Variants in COL7A1 observed in about 807,000 individuals in gnomAD.
COL7A1 encodes the protein collagen alpha-1(VII) chain.
COL7A1 carries 296 observed loss-of-function variants against 456.2 expected under a neutral mutation model. The observed-to-expected ratio is 0.65, with a 90% confidence interval of 0.59 to 0.71. The LOEUF is 0.71. Ranked by LOEUF, COL7A1 falls within the 30% of genes least tolerant of loss-of-function variation. COL7A1 has a pLI of 0.00. For synonymous variants in COL7A1, 1,464 were observed against 1,525.9 expected (o/e 0.96, Z 0.95); for missense variants, 3,441 against 4,017.2 (o/e 0.86, Z 3.88).
Position 48,592,659 on chromosome 3 carries a change from C to T in COL7A1, c.887G>A (p.Gly296Asp), listed in dbSNP as rs1269543214. Residue 296 changes from glycine to aspartate, a missense_variant, in exon 8 of 119, where the codon GGT (glycine) becomes GAT (aspartate). Gly to Asp is a moderately conservative substitution (Grantham distance 94). Coordinates refer to ENST00000681320, the MANE Select transcript of COL7A1 (RefSeq NM_000094.4). This position sits in a 1 kb window ranked among gnomAD's most constrained non-coding sequence, Gnocchi z 7.6. The stretch of plus-strand genomic sequence containing the variant: ...TTGGTACTCGGTCAGTGGCCGGAGA[C>T]CCCGCAGCCGCACACTGGTCTCACC... Reference protein sequence around the residue: ...PAGETSVRLRGLRPLTEYQVT... With the variant: ...PAGETSVRLRDLRPLTEYQVT... 1 of 1,613,738 alleles carries T rather than the reference C, an allele frequency of 6.2e-7. No homozygotes were observed. Among genetic ancestry groups the T allele is most frequent in the Non-Finnish European group, 8.5e-7 (1 of 1,180,004 alleles).
rs1279894733 is a variant in COL7A1 at position 48,592,057 on chromosome 3, C to T, written c.1241-43G>A. The T allele has an allele frequency of 2.5e-6, 4 of 1,614,042 alleles. No homozygotes were observed. The highest frequency in any genetic ancestry group is 2.2e-5 in the East Asian group (1 of 44,890). ...GATGTCAGTGGCCTCCGGGCCTTGC[C>T]CTGCCTGCCCGTCCCAGCCTGAAGA... On this transcript the variant is annotated intron_variant, in intron 10 of 118. Transcript: ENST00000681320. The surrounding 1 kb of genome is among the most constrained non-coding windows in gnomAD (Gnocchi z 7.6).
Position 48,592,271 on chromosome 3 carries a change from C to A in COL7A1, c.1094-23G>T. 1 of 1,613,914 alleles carries A rather than the reference C, an allele frequency of 6.2e-7. No homozygotes were observed. The highest frequency in any genetic ancestry group is 1.7e-5 in the Admixed American group (1 of 60,034). On this transcript the variant is annotated intron_variant, in intron 9 of 118. Transcript: ENST00000681320. This position sits in a 1 kb window ranked among gnomAD's most constrained non-coding sequence, Gnocchi z 7.6. Reference sequence around the variant, plus strand: ...CACCTGCATGGGGGACACCAAGGGGCCAGTGGGCCTTGCAGACTCAGGACT... The same window carrying A: ...CACCTGCATGGGGGACACCAAGGGGACAGTGGGCCTTGCAGACTCAGGACT...
At position 48,590,349 on chromosome 3, in the gene COL7A1, C is replaced by T. The variant is rs2107779171; in HGVS notation, c.1914G>A (p.Glu638=). The change falls in exon 16 of 119, where the codon GAG becomes GAA. Residue 638 remains glutamate (E), a synonymous_variant. Coordinates refer to ENST00000681320, the MANE Select transcript of COL7A1 (RefSeq NM_000094.4). This position sits in a 1 kb window ranked among gnomAD's most constrained non-coding sequence, Gnocchi z 4.6. Reference sequence around the variant, plus strand: ...AGTCTGGGGGCAGTGTCTGGCTGGACTCCGGACCTGAGGTCAGAGGGAAAT... The same window carrying T: ...AGTCTGGGGGCAGTGTCTGGCTGGATTCCGGACCTGAGGTCAGAGGGAAAT... ...RISWSTGSGP[E]SSQTLPPDST... 6.2e-7 allele frequency: 1 copy of T among 1,614,086 alleles called. No homozygotes were observed. Among genetic ancestry groups the T allele is most frequent in the Non-Finnish European group, 8.5e-7 (1 of 1,180,002 alleles).
At position 48,580,446 on chromosome 3, in the gene COL7A1, G is replaced by T; in HGVS notation, c.5053-102C>A. The T allele has an allele frequency of 1.3e-6, 2 of 1,486,016 alleles. No individual in the cohort carries two copies. The highest frequency in any genetic ancestry group is 1.9e-6 in the Non-Finnish European group (2 of 1,078,354). The allele number at this position is 1,486,016 out of a possible 1,614,324, so 92.1% of individuals were successfully genotyped here. A position where few individuals can be genotyped will look rare whatever the true frequency, so the allele number is the denominator to read the frequency against. On this transcript the variant is annotated intron_variant, in intron 55 of 118. Transcript: ENST00000681320. This position sits in a 1 kb window ranked among gnomAD's most constrained non-coding sequence, Gnocchi z 4.5. Reference sequence around the variant, plus strand: ...ATGGGAATGTTGGTAGCCTTCAGATGCGTGTGTGCAGGGGTCAAAGGAAGT... The same window carrying T: ...ATGGGAATGTTGGTAGCCTTCAGATTCGTGTGTGCAGGGGTCAAAGGAAGT...
At chr3:48,576,469 C>G (rs367585573) in intron 69 of COL7A1, 34 bp from the exon 70 acceptor site, 106 of 1,612,976 alleles carry the variant, frequency 6.6e-5, no homozygotes, top group Non-Finnish European at 8.7e-5. Flanking sequence ...GGGAAATGGC[C>G]CCCAGCCTGG....
At chr3:48,589,826 G>A (rs1200934266) in intron 16 of COL7A1, 108 bp from the exon 17 acceptor site, 1 of 1,525,018 alleles carries the variant, frequency 6.6e-7, no homozygotes, top group Non-Finnish European at 9.0e-7. Flanking sequence ...ATTTGATAGA[G>A]GAGATGGTGA....
rs563535651 is a variant in COL7A1 at position 48,573,751 on chromosome 3, G to A, written c.6538-26C>T. ...CTGTTGTGGCGAAAAAGAGTCTGATGAGGGGGAGTTAGCCGCACCCCACCA... is the reference window on the plus strand; with the variant it reads ...CTGTTGTGGCGAAAAAGAGTCTGATAAGGGGGAGTTAGCCGCACCCCACCA... On this transcript the variant is annotated intron_variant, in intron 81 of 118. Transcript: ENST00000681320. This position sits in a 1 kb window ranked among gnomAD's most constrained non-coding sequence, Gnocchi z 5.5. The A allele has an allele frequency of 2.5e-5, 41 of 1,613,846 alleles. No individual in the cohort carries two copies. In the African/African-American group the frequency reaches 4.8e-4, roughly 19 times the overall value.
In COL7A1 at chr3:48,564,244, G is replaced by T. The variant is rs545650545; in HGVS notation, c.*162C>A. ...AGCCACAATGGGGGTTTGTCCACAG[G>T]GGGGAAGGCTAGACCCACGGGACCA... is the stretch of plus-strand genomic sequence containing the variant. On this transcript the variant is annotated 3_prime_UTR_variant, in exon 119 of 119. Coordinates refer to ENST00000681320, the MANE Select transcript of COL7A1 (RefSeq NM_000094.4). This position sits in a 1 kb window ranked among gnomAD's most constrained non-coding sequence, Gnocchi z 6.0. The T allele has an allele frequency of 1.2e-5, 10 of 847,316 alleles. No individual in the cohort carries two copies. Among genetic ancestry groups the T allele is most frequent in the East Asian group, 1.1e-4 (4 of 37,544 alleles). 52.5% of individuals were successfully genotyped at this position (847,316 alleles called of 1,614,324 possible). A position where few individuals can be genotyped will look rare whatever the true frequency, so the allele number is the denominator to read the frequency against.
chr3:48,589,706 G>A lies in COL7A1; in HGVS notation c.2063C>T (p.Pro688Leu), dbSNP rs746149093. 1.2e-6 allele frequency: 2 copies of A among 1,614,100 alleles called. No homozygotes were observed. Among genetic ancestry groups the A allele is most frequent in the South Asian group, 1.1e-5 (1 of 91,078 alleles). ...CTGAGTCACATGGACCGTCCTCACTGGGCCCAGTGGGTCTAGTGGGGAGAG... is the reference window on the plus strand; with the variant it reads ...CTGAGTCACATGGACCGTCCTCACTAGGCCCAGTGGGTCTAGTGGGGAGAG... ...VIVARTDPLG[P>L]VRTVHVTQAS... The change falls in exon 17 of 119, where the codon CCA (proline) becomes CTA (leucine). Residue 688 changes from proline to leucine, a missense_variant. Coordinates refer to ENST00000681320, the MANE Select transcript of COL7A1 (RefSeq NM_000094.4).
intron 69 of COL7A1, 22 bp downstream of exon 69, chr3:48,576,500 C>T (rs1432394203): frequency 6.2e-7 from 1 of 1,612,448 alleles, no homozygotes; most frequent in Admixed American, 1.7e-5. Context: ...CACCACGCCC[C>T]CTACCCAACA....
rs1294205828 is a variant in COL7A1 at position 48,564,954 on chromosome 3, C to T, written c.8647G>A (p.Gly2883Ser). The T allele has an allele frequency of 6.2e-7, 1 of 1,614,032 alleles. No individual in the cohort carries two copies. Among genetic ancestry groups the T allele is most frequent in the Non-Finnish European group, 8.5e-7 (1 of 1,180,028 alleles). ...CGCAGGGTGTAGGCAGTGCAGGAGCCCTCATCCAGTGGCAGGGAACAGGGG... is the reference window on the plus strand; with the variant it reads ...CGCAGGGTGTAGGCAGTGCAGGAGCTCTCATCCAGTGGCAGGGAACAGGGG... Reference protein sequence around the residue: ...DDPCSLPLDEGSCTAYTLRWY... With the variant: ...DDPCSLPLDESSCTAYTLRWY... The change falls in exon 118 of 119, where the codon GGC (glycine) becomes AGC (serine). Residue 2883 changes from glycine (G) to serine (S), a missense_variant. Physicochemically the swap from Gly to Ser is moderately conservative, Grantham distance 56. This residue lies in a region of COL7A1 where 2,084 missense variants were observed against 2,501.3 expected (regional missense o/e 0.83). Transcript: ENST00000681320. This position sits in a 1 kb window ranked among gnomAD's most constrained non-coding sequence, Gnocchi z 6.0.
rs1373356334 is a variant in COL7A1 at position 48,575,003 on chromosome 3, C to A, written c.6279+61G>T. 1 of 1,585,162 alleles carries A rather than the reference C, an allele frequency of 6.3e-7. No individual in the cohort carries two copies. The highest frequency in any genetic ancestry group is 8.7e-7 in the Non-Finnish European group (1 of 1,154,668). ...CACACACTACCATATTTCTGGGGAC[C>A]AAGCTAAGGGTGGCTTCCTGGTCAC... On this transcript the variant is annotated intron_variant, in intron 76 of 118. Coordinates refer to ENST00000681320, the MANE Select transcript of COL7A1 (RefSeq NM_000094.4). This position sits in a 1 kb window ranked among gnomAD's most constrained non-coding sequence, Gnocchi z 6.3.
In COL7A1 at chr3:48,572,942, C is replaced by T. The variant is rs765034336; in HGVS notation, c.6751G>A (p.Gly2251Arg). The part of the protein sequence containing the change: ...QGSPGLPGQV[G>R]ETGKPGAPGR... ...GGGGCTCCCGGCTTCCCTGTCTCCC[C>T]CTGAGAGGGAAGAGCTCTGTCAGGG... Residue 2251 changes from glycine to arginine, a missense_variant and splice_region_variant, in exon 87 of 119, where the codon GGG becomes AGG. This residue lies in a region of COL7A1 where 2,084 missense variants were observed against 2,501.3 expected (regional missense o/e 0.83). Transcript: ENST00000681320. The surrounding 1 kb of genome is among the most constrained non-coding windows in gnomAD (Gnocchi z 4.6). The T allele has an allele frequency of 6.2e-7, 1 of 1,613,924 alleles. No homozygotes were observed. Among genetic ancestry groups the T allele is most frequent in the African/African-American group, 1.3e-5 (1 of 74,910 alleles).
chr3:48,567,771 C>A lies in COL7A1; in HGVS notation c.7930-8G>T. 6.2e-7 allele frequency: 1 copy of A among 1,614,194 alleles called. No homozygotes were observed. ...TGGGGGACCAGCTTCTCCCTGCAGG[C>A]ATCAGGCAGTGGGGTGAGCCTTAGG... On this transcript the variant is annotated splice_region_variant and splice_polypyrimidine_tract_variant and intron_variant, in intron 107 of 118. Transcript: ENST00000681320. The surrounding 1 kb of genome is among the most constrained non-coding windows in gnomAD (Gnocchi z 4.3).
rs1434452681 is a variant in COL7A1 at position 48,566,452 on chromosome 3, G to A, written c.8358+58C>T. 2 of 1,609,746 alleles carry A rather than the reference G, an allele frequency of 1.2e-6. No homozygotes were observed. Among genetic ancestry groups the A allele is most frequent in the Non-Finnish European group, 1.7e-6 (2 of 1,176,882 alleles). The stretch of plus-strand genomic sequence containing the variant: ...CAGGGTGCTGGGTGAGGGAGGTAGG[G>A]CCCCAGCCCACCCAGGCCCACCCAG... On this transcript the variant is annotated intron_variant, in intron 113 of 118. Coordinates refer to ENST00000681320, the MANE Select transcript of COL7A1 (RefSeq NM_000094.4). The surrounding 1 kb of genome is among the most constrained non-coding windows in gnomAD (Gnocchi z 5.9).
At position 48,566,453 on chromosome 3, in the gene COL7A1, CCCCAGCCCACCCAGGCCCA is replaced by C. The variant is rs2043608677; in HGVS notation, c.8358+38_8358+56del. The C allele has an allele frequency of 4.3e-6, 7 of 1,610,810 alleles. No individual in the cohort carries two copies. In the Admixed American group the frequency reaches 1.2e-4, roughly 27 times the overall value. On this transcript the variant is annotated intron_variant, in intron 113 of 118. Transcript: ENST00000681320. This position sits in a 1 kb window ranked among gnomAD's most constrained non-coding sequence, Gnocchi z 5.9. ...AGGGTGCTGGGTGAGGGAGGTAGGG[CCCCAGCCCACCCAGGCCCA>C]CCCAGGCCCTCCCAGGCCCATCCAG...
Position 48,592,374 on chromosome 3 carries a change from C to T in COL7A1, c.1070G>A (p.Arg357His), listed in dbSNP as rs368155479. 2.1e-5 allele frequency: 34 copies of T among 1,613,498 alleles called. No homozygotes were observed. Among genetic ancestry groups the T allele is most frequent in the African/African-American group, 1.6e-4 (12 of 74,930 alleles). The change falls in exon 9 of 119, where the codon CGT becomes CAT. Residue 357 changes from arginine to histidine, a missense_variant. Transcript: ENST00000681320. The surrounding 1 kb of genome is among the most constrained non-coding windows in gnomAD (Gnocchi z 7.6). ...ACCACTGAGGACCCGCCATGTCACA[C>T]GGTAGCCAGTGGCACCTGGCACACT... Reference protein sequence around the residue: ...WRSVPGATGYRVTWRVLSGGP... With the variant: ...WRSVPGATGYHVTWRVLSGGP...
At position 48,590,965 on chromosome 3, in the gene COL7A1, A is replaced by G. The variant is rs1179337145; in HGVS notation, c.1637-149T>C. 2.3e-6 allele frequency: 2 copies of G among 878,920 alleles called. No individual in the cohort carries two copies. Among genetic ancestry groups the G allele is most frequent in the African/African-American group, 3.3e-5 (2 of 60,404 alleles). 54.4% of individuals were successfully genotyped at this position (878,920 alleles called of 1,614,324 possible). A position where few individuals can be genotyped will look rare whatever the true frequency, so the allele number is the denominator to read the frequency against. On this transcript the variant is annotated intron_variant, in intron 13 of 118. Transcript: ENST00000681320. The surrounding 1 kb of genome is among the most constrained non-coding windows in gnomAD (Gnocchi z 4.6). ...GACCAGAGAGCTGGGATATGGCTGAAAAAAGTGAGTGCAAGACAAGGACAT... is the reference window on the plus strand; with the variant it reads ...GACCAGAGAGCTGGGATATGGCTGAGAAAAGTGAGTGCAAGACAAGGACAT...
At position 48,581,746 on chromosome 3, in the gene COL7A1, G is replaced by A; in HGVS notation, c.4682C>T (p.Pro1561Leu). The change falls in exon 49 of 119, where the codon CCC becomes CTC. Residue 1561 changes from proline to leucine, a missense_variant. Physicochemically the swap from Pro to Leu is moderately conservative, Grantham distance 98. Transcript: ENST00000681320. The surrounding 1 kb of genome is among the most constrained non-coding windows in gnomAD (Gnocchi z 5.8). ...TCCGGTAGCTCCTCTGGGCCCAGCGGGCCCCACATCTCCCTGGAGGTGACA... is the reference window on the plus strand; with the variant it reads ...TCCGGTAGCTCCTCTGGGCCCAGCGAGCCCCACATCTCCCTGGAGGTGACA... ...GPKGEKGDVG[P>L]AGPRGATGVQ... The A allele has an allele frequency of 6.2e-7, 1 of 1,613,932 alleles. No individual in the cohort carries two copies. Among genetic ancestry groups the A allele is most frequent in the Middle Eastern group, 1.6e-4 (1 of 6,062 alleles).
Sources: allele counts gnomAD v4.1 joint callset, GRCh38; gene constraint gnomAD v4.1.1; regional missense constraint gnomAD v4.1.1; non-coding constraint Gnocchi (gnomAD v3.1); transcripts MANE v1.5; gene names NCBI Gene and HGNC (gene_info 2026-07-23, HGNC 2026-07-21).